Variants in S100A8 observed in about 807,000 individuals in gnomAD.
S100A8 encodes the protein S100 calcium binding protein A8.
A neutral mutation model predicts 4.2 loss-of-function variants in S100A8; 1 was observed. That is an observed-to-expected ratio of 0.24 (90% CI 0.08 to 1.12). The LOEUF (loss-of-function observed/expected upper bound fraction) is 1.12. Among genes scored for constraint, S100A8 ranks in the 50% most tolerant of loss-of-function variants. S100A8 has a pLI of 0.53. For missense variants in S100A8, 96 were observed against 111.8 expected (o/e 0.86, Z 0.64); for synonymous variants, 41 against 44.7 (o/e 0.92, Z 0.33).
At chr1:153,404,525 C>T in the S100A8 span, among the ~76,000 whole-genome samples, 20 of 152,288 alleles carry the variant, frequency 1.3e-4, no homozygotes, top group South Asian at 2.1e-4. Context: ...GGATTTCAGA[C>T]GCTCGGTGTC....
At chr1:153,419,592 G>A in the S100A8 span, 1 of 420,756 alleles carries the variant, frequency 2.4e-6, no homozygotes, top group Non-Finnish European at 4.2e-6. Context: ...AGCCACCTTG[G>A]CAGGTTCCAG....
the S100A8 span, chr1:153,419,341 C>T: frequency 6.3e-7 from 1 of 1,598,652 alleles, no homozygotes; most frequent in Non-Finnish European, 8.5e-7. Context: ...CCAGAGACCC[C>T]AGGAACAATA....
At chr1:153,411,742 C>T in the S100A8 span, among the ~76,000 whole-genome samples, 3 of 152,154 alleles carry the variant, frequency 2.0e-5, no homozygotes, top group Admixed American at 2.0e-4. Flanking sequence ...TACTACAAGG[C>T]TACAGTAATC....
chr1:153,403,350 T>C, the S100A8 span, among the ~76,000 whole-genome samples: 3 of 152,222 alleles, frequency 2.0e-5, no homozygotes, highest in Admixed American at 6.5e-5. Context: ...CTATTCTTTC[T>C]CCATTGAATT....
chr1:153,419,030 C>T, the S100A8 span: 30 of 1,132,250 alleles, frequency 2.6e-5, no homozygotes, highest in Non-Finnish European at 3.6e-5. Context: ...AGCCCCACGA[C>T]CATGCCTGTG....
chr1:153,419,386 T>G, the S100A8 span: 29 of 1,473,934 alleles, frequency 2.0e-5, no homozygotes, highest in East Asian at 6.4e-4. Flanking sequence ...GCCTTATTTC[T>G]TCTTCTCTTT....
chr1:153,417,041 G>C, the S100A8 span, among the ~76,000 whole-genome samples: 13 of 152,364 alleles, frequency 8.5e-5, no homozygotes, highest in East Asian at 1.3e-3. Context: ...TCTGGCCTTG[G>C]CCTTGGCCTC....
the S100A8 span, among the ~76,000 whole-genome samples, chr1:153,406,739 G>C: frequency 6.6e-6 from 1 of 152,114 alleles, no homozygotes; most frequent in South Asian, 2.1e-4. Context: ...CCAAATTCCT[G>C]TTCACAATCA....
At position 153,390,323 on chromosome 1, in the gene S100A8, A is replaced by T. The variant is rs80122691; in HGVS notation, c.141+72T>A. 5.1e-3 allele frequency: 8,136 copies of T among 1,603,516 alleles called. 33 individuals carry two copies. Among genetic ancestry groups the T allele is most frequent in the Non-Finnish European group, 5.9e-3 (6,923 of 1,172,726 alleles). On this transcript the variant is annotated intron_variant, in intron 2 of 2. Coordinates refer to ENST00000368733, the MANE Select transcript of S100A8 (RefSeq NM_002964.5). ...GGCATAGCCATCTATGAAGGGTGGC[A>T]GGGAGGACCGCTGGCCCAGGGCAGC...
At chr1:153,419,774 C>G in the S100A8 span, 1 of 157,456 alleles carries the variant, frequency 6.4e-6, no homozygotes, top group Non-Finnish European at 1.4e-5. Context: ...CTTGGGGAAA[C>G]AGAAACCACT....
the S100A8 span, among the ~76,000 whole-genome samples, chr1:153,398,946 G>A: frequency 1.1e-4 from 16 of 152,270 alleles, no homozygotes; most frequent in Admixed American, 2.0e-4. Flanking sequence ...CTTGGGCCAC[G>A]ATTGTGCTGT....
the S100A8 span, chr1:153,421,561 C>G: frequency 2.6e-5 from 4 of 152,210 alleles, no homozygotes; most frequent in Non-Finnish European, 5.9e-5. Context: ...CCAAAAACTT[C>G]CAGTCCTGGA....
the S100A8 span, chr1:153,421,880 ACTT>A: frequency 6.6e-6 from 1 of 152,238 alleles, no homozygotes; most frequent in African/African-American, 2.4e-5. Flanking sequence ...GTGGACAAAT[ACTT>A]CTTCATCTTC....
At chr1:153,419,357 C>T in the S100A8 span, 3 of 1,557,768 alleles carry the variant, frequency 1.9e-6, no homozygotes, top group Admixed American at 5.9e-5. Flanking sequence ...CAATAAGTGT[C>T]TCCTCCCACC....
At chr1:153,417,984 T>C in the S100A8 span, 1 of 1,541,398 alleles carries the variant, frequency 6.5e-7, no homozygotes, top group Non-Finnish European at 8.8e-7. Flanking sequence ...TTTTACTCTG[T>C]CCTCAGCCCT....
At chr1:153,419,084 TC>T in the S100A8 span, 9 of 1,576,824 alleles carry the variant, frequency 5.7e-6, no homozygotes, top group Non-Finnish European at 6.9e-6. Flanking sequence ...TCCTCTCCCC[TC>T]CCAGCCCAAA....
chr1:153,390,620 C>T (rs757336607), intron 1 of S100A8, 63 bp from the exon 2 acceptor site: 21 of 1,579,498 alleles, frequency 1.3e-5, no homozygotes, highest in East Asian at 2.2e-5. Flanking sequence ...CAGGGCAGTA[C>T]GCAGAGGATT....
In S100A8 at chr1:153,390,472, T is replaced by C. The variant is rs923426483; in HGVS notation, c.64A>G (p.Ile22Val). Reference sequence around the variant, plus strand: ...TAGACGGCATGGAAATTCCCCTTTATCAGGGAGTACTTGTGGTAGACGTCG... The same window carrying C: ...TAGACGGCATGGAAATTCCCCTTTACCAGGGAGTACTTGTGGTAGACGTCG... ...IIDVYHKYSL[I>V]KGNFHAVYRD... The change falls in exon 2 of 3, where the codon ATA becomes GTA. Residue 22 changes from isoleucine (I) to valine (V), a missense_variant. By Grantham distance (29) the Ile-to-Val change is conservative. Coordinates refer to ENST00000368733, the MANE Select transcript of S100A8 (RefSeq NM_002964.5). 1.7e-5 allele frequency: 27 copies of C among 1,614,074 alleles called. No individual in the cohort carries two copies. The highest frequency in any genetic ancestry group is 2.1e-5 in the Non-Finnish European group (25 of 1,180,042).
chr1:153,407,614 G>T, the S100A8 span, among the ~76,000 whole-genome samples: 1 of 152,212 alleles, frequency 6.6e-6, no homozygotes, highest in African/African-American at 2.4e-5. Flanking sequence ...GCTTTGAAGA[G>T]AGTAGTGGTT....
Sources: allele counts gnomAD v4.1 joint callset (sites outside exome capture counted in the v4.1 genomes callset), GRCh38; gene constraint gnomAD v4.1.1; transcripts MANE v1.5; gene names NCBI Gene and HGNC (gene_info 2026-07-23, HGNC 2026-07-21).